The following BAIAP2L2 variants were observed in gnomAD, a reference collection of about 807,000 sequenced individuals.
The protein encoded by BAIAP2L2 is BAR/IMD domain containing adaptor protein 2 like 2, also known as BAR/IMD domain-containing adapter protein 2-like 2.
In BAIAP2L2, 65 loss-of-function variants were observed where a neutral mutation model predicts 60.4. The observed-to-expected ratio is 1.08, with a 90% CI of 0.88 to 1.32. The LOEUF is 1.32. Among genes scored for constraint, BAIAP2L2 ranks in the 40% most tolerant of loss-of-function variants. The pLI, the probability that BAIAP2L2 is intolerant of heterozygous loss-of-function variation, is 0.00. For synonymous variants in BAIAP2L2, 344 were observed against 301.7 expected (o/e 1.14, Z -1.45); for missense variants, 836 against 741.2 (o/e 1.13, Z -1.48).
At position 38,089,182 on chromosome 22, in the gene BAIAP2L2, G is replaced by A. The variant is rs2086203058; in HGVS notation, c.815C>T (p.Ser272Phe). 1.5e-6 allele frequency: 2 copies of A among 1,308,476 alleles called. No homozygotes were observed. The highest frequency in any genetic ancestry group is 2.3e-5 in the South Asian group (1 of 44,108). 81.1% of individuals were successfully genotyped at this position (1,308,476 alleles called of 1,614,324 possible). A position where few individuals can be genotyped will look rare whatever the true frequency, so the allele number is the denominator to read the frequency against. The part of the protein sequence containing the change: ...EFSSPRSRHG[S>F]GSYGTEPDAR... ...GTCGGGCTCGGTGCCGTAGGAGCCG[G>A]AGCCGTGCCGGCTGCGGGGGGAGCT... The change falls in exon 9 of 14, where the codon TCC becomes TTC. Residue 272 changes from serine (S) to phenylalanine (F), a missense_variant. Ser to Phe is a radical substitution (Grantham distance 155). Transcript: ENST00000381669.
At chr22:38,106,529 A>T (rs572000195) in intron 4 of BAIAP2L2, among the ~76,000 whole-genome samples, 100 of 33,026 alleles carry the variant, frequency 3.0e-3, no homozygotes, top group Admixed American at 5.1e-3. Context: ...CAAAAAAATT[A>T]AAAAAAAAAA....
intron 4 of BAIAP2L2, among the ~76,000 whole-genome samples, chr22:38,105,023 T>TA (rs1431323675): frequency 6.6e-6 from 1 of 152,210 alleles, no homozygotes; most frequent in East Asian, 1.9e-4. Context: ...AATGATTCAT[T>TA]ACGCTCTAAT....
At position 38,087,004 on chromosome 22, in the gene BAIAP2L2, A is replaced by AAAAAC. The variant is rs941118871; in HGVS notation, c.1259+115_1259+119dup. ...GGGTGAGACTCTGTCTCAAAAAAAAAAAAACAAAACAAAACAAAAAAACAA... is the reference window on the plus strand; with the variant it reads ...GGGTGAGACTCTGTCTCAAAAAAAAAAAAACAAAACAAAACAAAACAAAAAAACAA... On this transcript the variant is annotated intron_variant, in intron 11 of 13. Transcript: ENST00000381669. The AAAAAC allele has an allele frequency of 5.1e-4, 654 of 1,277,512 alleles. 6 individuals are homozygous for AAAAAC. The highest frequency in any genetic ancestry group is 5.1e-5 in the Non-Finnish European group (50 of 985,436). The allele number at this position is 1,277,512 out of a possible 1,614,324, so 79.1% of individuals were successfully genotyped here.
chr22:38,107,792 C>G (rs1407126997), intron 4 of BAIAP2L2, 60 bp downstream of exon 4: 1 of 1,536,752 alleles, frequency 6.5e-7, no homozygotes. Context: ...GGGCCCTCTC[C>G]TTGGAACATA....
rs1569234514 is a variant in BAIAP2L2, at chr22:38,110,137, GAGAGAGAGAGAGGGAGAGAC to G, written c.51+318_51+337del. Among the ~76,000 whole-genome samples the G allele has an allele frequency of 5.4e-5, 5 of 92,260 alleles. 1 individual carries two copies. The highest frequency in any genetic ancestry group is 9.7e-5 in the Non-Finnish European group (5 of 51,414). 60.5% of individuals were successfully genotyped at this position (92,260 alleles called of 152,430 possible). On this transcript the variant is annotated intron_variant, in intron 1 of 13. Coordinates refer to ENST00000381669, the MANE Select transcript of BAIAP2L2 (RefSeq NM_025045.6). ...AGAGAGAGGGAGAGAGAGAGAGAGA[GAGAGAGAGAGAGGGAGAGAC>G]AGAGAGAGAGAGGGAGGGTCTTTCT...
intron 7 of BAIAP2L2, among the ~76,000 whole-genome samples, chr22:38,093,592 A>G (rs939947976): frequency 1.1e-4 from 17 of 152,258 alleles, no homozygotes; most frequent in African/African-American, 4.1e-4. Context: ...ATAAATAGCT[A>G]AGAAGCACAG....
chr22:38,110,670 C>T lies in BAIAP2L2; in HGVS notation c.-145G>A. On this transcript the variant is annotated 5_prime_UTR_variant, in exon 1 of 14. Transcript: ENST00000381669. ...AGAGGGACCTGGAGATGGAGGCCTG[C>T]CTCAGAGGAGTGGCAGCTTAATTAT... 1.6e-6 allele frequency: 1 copy of T among 618,868 alleles called. No homozygotes were observed. The highest frequency in any genetic ancestry group is 2.8e-6 in the Non-Finnish European group (1 of 358,602). The allele number at this position is 618,868 out of a possible 1,614,324, so 38.3% of individuals were successfully genotyped here.
At chr22:38,097,961 G>C (rs2086477648) in intron 6 of BAIAP2L2, 102 bp downstream of exon 6, 2 of 1,094,912 alleles carry the variant, frequency 1.8e-6, no homozygotes, top group Non-Finnish European at 2.7e-6. Flanking sequence ...GGTGCTCGGT[G>C]GGGGAGCTCA....
chr22:38,093,186 A>AAC (rs1451147274), intron 7 of BAIAP2L2, among the ~76,000 whole-genome samples: 5 of 151,802 alleles, frequency 3.3e-5, no homozygotes, highest in African/African-American at 1.2e-4. Context: ...AGAAAAAAGA[A>AAC]AGAGTGTGGC....
intron 4 of BAIAP2L2, among the ~76,000 whole-genome samples, chr22:38,104,008 G>C (rs540799492): frequency 8.5e-5 from 13 of 152,152 alleles, no homozygotes; most frequent in Non-Finnish European, 1.6e-4. Context: ...CTACATAATG[G>C]TGTTAGTAAA....
At chr22:38,090,397 C>G (rs1297891565) in intron 7 of BAIAP2L2, 1 of 152,142 alleles carries the variant, frequency 6.6e-6, no homozygotes, top group Non-Finnish European at 1.5e-5. Flanking sequence ...CAGGCGTGAG[C>G]CACCGAGCCT....
rs1445488214 is a variant in BAIAP2L2, at chr22:38,087,007, A to AC, written c.1259+116_1259+117insG. On this transcript the variant is annotated intron_variant, in intron 11 of 13. Coordinates refer to ENST00000381669, the MANE Select transcript of BAIAP2L2 (RefSeq NM_025045.6). ...TGAGACTCTGTCTCAAAAAAAAAAA[A>AC]ACAAAACAAAACAAAAAAACAAAAA... 5.7e-5 allele frequency: 67 copies of AC among 1,166,780 alleles called. 2 individuals carry two copies. In the African/African-American group the frequency reaches 1.1e-3, roughly 19 times the overall value. The allele number at this position is 1,166,780 out of a possible 1,614,324, so 72.3% of individuals were successfully genotyped here.
Position 38,107,928 on chromosome 22 carries a change from G to C in BAIAP2L2, c.215-15C>G. On this transcript the variant is annotated splice_polypyrimidine_tract_variant and intron_variant, in intron 3 of 13. Coordinates refer to ENST00000381669, the MANE Select transcript of BAIAP2L2 (RefSeq NM_025045.6). ...CAAGATCTCCCCTGGAGGCATGGAT[G>C]CAGCTGTGGCTTTGGTGTGTGGCAG... 6.2e-7 allele frequency: 1 copy of C among 1,613,040 alleles called. No individual in the cohort carries two copies. Among genetic ancestry groups the C allele is most frequent in the Non-Finnish European group, 8.5e-7 (1 of 1,179,728 alleles).
At position 38,098,546 on chromosome 22, in the gene BAIAP2L2, C is replaced by T. The variant is rs529221845; in HGVS notation, c.277-64G>A. The T allele has an allele frequency of 6.6e-6, 9 of 1,367,584 alleles. No homozygotes were observed. The South Asian group carries it at 1.1e-4, about 16-fold the overall frequency. The allele number at this position is 1,367,584 out of a possible 1,614,324, so 84.7% of individuals were successfully genotyped here. A position where few individuals can be genotyped will look rare whatever the true frequency, so the allele number is the denominator to read the frequency against. On this transcript the variant is annotated intron_variant, in intron 4 of 13. Transcript: ENST00000381669. ...TACTGTTCCCAGGCCCCAGCACCCC[C>T]TTGCACTTTCTGCTATAACAGACTG...
intron 1 of BAIAP2L2, 131 bp downstream of exon 1, chr22:38,110,344 C>G (rs1170649673): frequency 3.1e-6 from 3 of 952,802 alleles, no homozygotes; most frequent in Admixed American, 2.1e-5. Flanking sequence ...CACCCCTGGC[C>G]CAGCCTGGCT....
At chr22:38,089,365 G>A (rs2086217734) in intron 8 of BAIAP2L2, 134 bp from the exon 9 acceptor site, 1 of 568,848 alleles carries the variant, frequency 1.8e-6, no homozygotes, top group Non-Finnish European at 2.6e-6. Flanking sequence ...CACCACGGGG[G>A]CGCGGAGAAC....
rs1217782771 is a variant in BAIAP2L2, at chr22:38,107,849, C to A, written c.276+3G>T. 1 of 1,613,062 alleles carries A rather than the reference C, an allele frequency of 6.2e-7. No individual in the cohort carries two copies. Among genetic ancestry groups the A allele is most frequent in the African/African-American group, 1.3e-5 (1 of 74,882 alleles). Reference sequence around the variant, plus strand: ...CCTCCAGGCCCTGGGGCCTGATACTCACCACCACCTCCAGGTCAGAGTTCA... The same window carrying A: ...CCTCCAGGCCCTGGGGCCTGATACTAACCACCACCTCCAGGTCAGAGTTCA... On this transcript the variant is annotated splice_donor_region_variant and intron_variant, in intron 4 of 13. Coordinates refer to ENST00000381669, the MANE Select transcript of BAIAP2L2 (RefSeq NM_025045.6).
rs145929436 is a variant in BAIAP2L2, at chr22:38,095,417, T to A, written c.612+1615A>T. ...TCTCACTCTGTCGCCCAGACTGGAG[T>A]GCAGTGGCTTGATTTTGGCTCACTA... On this transcript the variant is annotated intron_variant, in intron 7 of 13. Transcript: ENST00000381669. 2.4e-3 allele frequency among the ~76,000 whole-genome samples: 363 copies of A among 152,160 alleles called. 1 individual carries two copies. The highest frequency in any genetic ancestry group is 8.3e-3 in the African/African-American group (346 of 41,496).
Position 38,110,120 on chromosome 22 carries a change from G to GGAGA in BAIAP2L2, c.51+351_51+354dup, listed in dbSNP as rs1202491630. On this transcript the variant is annotated intron_variant, in intron 1 of 13. Transcript: ENST00000381669. ...GAGACAGAGAGAGGGAGAGAGAGAG[G>GGAGA]GAGAGAGAGAGAGAGAGAGAGAGAG... Among the ~76,000 whole-genome samples the GGAGA allele has an allele frequency of 5.8e-4, 11 of 18,882 alleles. 1 individual carries two copies. The highest frequency in any genetic ancestry group is 2.5e-3 in the Admixed American group (3 of 1,196). 12.4% of individuals were successfully genotyped at this position (18,882 alleles called of 152,430 possible).
Sources: gnomAD v4.1 joint callset for allele counts (sites outside exome capture counted in the v4.1 genomes callset) on GRCh38, gnomAD v4.1.1 for gene constraint, MANE v1.5 for transcripts, NCBI Gene and HGNC (gene_info 2026-07-23, HGNC 2026-07-21) for gene names.